Variants in TRAK1 observed in about 807,000 individuals in gnomAD.
The protein encoded by TRAK1 is trafficking kinesin-binding protein 1.
Under a neutral mutation model 92.1 loss-of-function variants are expected in TRAK1, and 33 were observed. That is an observed-to-expected ratio of 0.36 (90% CI 0.27 to 0.48). TRAK1 has a LOEUF of 0.48. Ranked by LOEUF, TRAK1 falls within the 20% of genes least tolerant of loss-of-function variation. The pLI is 0.99. For synonymous variants in TRAK1, 521 were observed against 517.3 expected (o/e 1.01, Z -0.10); for missense variants, 1,123 against 1,257.9 (o/e 0.89, Z 1.62).
chr3:42,089,680 C>A (rs1301042678), upstream of TRAK1, among the ~76,000 whole-genome samples: 1 of 150,140 alleles, frequency 6.7e-6, no homozygotes, highest in East Asian at 2.0e-4. Flanking sequence ...TTGTGACCCC[C>A]CCCCAATACA....
chr3:42,111,178 A>C (rs1423696324), intron 1 of TRAK1, among the ~76,000 whole-genome samples: 2 of 152,094 alleles, frequency 1.3e-5, no homozygotes, highest in African/African-American at 4.8e-5. Flanking sequence ...AACCCAGAAA[A>C]TCTGAGACGG....
intron 1 of TRAK1, among the ~76,000 whole-genome samples, chr3:42,056,330 G>A (rs972024319): frequency 5.3e-5 from 8 of 152,174 alleles, no homozygotes; most frequent in African/African-American, 1.4e-4. Context: ...GTTTGTCCAT[G>A]TCCTTGCCAA....
At chr3:42,109,562 T>G (rs1192241324) in intron 1 of TRAK1, among the ~76,000 whole-genome samples, 2 of 152,220 alleles carry the variant, frequency 1.3e-5, no homozygotes, top group Non-Finnish European at 2.9e-5. Flanking sequence ...GGAAAATGAC[T>G]GATCGCTTTG....
chr3:42,215,650 C>G (rs1286220697), intron 14 of TRAK1, among the ~76,000 whole-genome samples: 1 of 152,178 alleles, frequency 6.6e-6, no homozygotes, highest in Admixed American at 6.5e-5. Context: ...ACAAGTCGGC[C>G]ACTTCCCAAG....
chr3:42,038,802 A>AAATT (rs1559714995), intron 1 of TRAK1, among the ~76,000 whole-genome samples: 5 of 105,922 alleles, frequency 4.7e-5, no homozygotes, highest in African/African-American at 2.1e-4. Flanking sequence ...AAAAAAAAAA[A>AAATT]GTTTTTTTTT....
intron 1 of TRAK1, among the ~76,000 whole-genome samples, chr3:42,063,153 C>T (rs1199067819): frequency 1.3e-5 from 2 of 152,252 alleles, no homozygotes; most frequent in Non-Finnish European, 2.9e-5. Flanking sequence ...TATTGGAATA[C>T]AGCCACACCC....
chr3:42,104,942 TA>T (rs1222548157), intron 1 of TRAK1, among the ~76,000 whole-genome samples: 1 of 139,908 alleles, frequency 7.1e-6, no homozygotes, highest in Non-Finnish European at 1.5e-5. Flanking sequence ...GCAAAGAAGC[TA>T]AAAATCTTTT....
intron 1 of TRAK1, among the ~76,000 whole-genome samples, chr3:42,039,614 T>C (rs1249070699): frequency 1.3e-5 from 2 of 152,252 alleles, no homozygotes; most frequent in Non-Finnish European, 2.9e-5. Context: ...TCCTCCCACT[T>C]TGGCCTCCCA....
At chr3:42,016,778 T>A (rs1386728997) in intron 1 of TRAK1, among the ~76,000 whole-genome samples, 1 of 152,170 alleles carries the variant, frequency 6.6e-6, no homozygotes, top group Non-Finnish European at 1.5e-5. Flanking sequence ...TTTTTACCCT[T>A]TGGGGCTCAA....
chr3:42,092,683 G>GTT lies in TRAK1; in HGVS notation c.91+1124_91+1125dup, dbSNP rs1202678258. Among the ~76,000 whole-genome samples, 588 of 108,310 alleles carry GTT rather than the reference G, an allele frequency of 5.4e-3. 11 individuals carry two copies. The highest frequency in any genetic ancestry group is 0.019 in the South Asian group (46 of 2,474). The allele number at this position is 108,310 out of a possible 152,430, so 71.1% of individuals were successfully genotyped here. ...GCTTAGAATTTGTTCCTTTTATTTT[G>GTT]TTGTGTTGTGTTGTGTTGTGTTGTG... On this transcript the variant is annotated intron_variant, in intron 1 of 15. Coordinates refer to ENST00000327628, the MANE Select transcript of TRAK1 (RefSeq NM_001042646.3).
In TRAK1 at chr3:42,218,706, A is replaced by T. The variant is rs1473715018; in HGVS notation, c.1964-788A>T. On this transcript the variant is annotated intron_variant, in intron 14 of 15. Transcript: ENST00000327628. ...GCCACCTCAGCAATAACTTGTTAGA[A>T]CATTAAAAGGAAGTAAATTGAGAAC... is the stretch of plus-strand genomic sequence containing the variant. 3.0e-6 allele frequency: 3 copies of T among 985,294 alleles called. No individual in the cohort carries two copies. The East Asian group carries it at 3.4e-4, about 112-fold the overall frequency. The allele number at this position is 985,294 out of a possible 1,614,324, so 61.0% of individuals were successfully genotyped here.
At position 42,013,967 on chromosome 3, in the gene TRAK1, A is replaced by AGTGCCCCC. The variant is rs1461073546; in HGVS notation, c.-663_-656dup. ...GCGGCGCCAGAGCGGAGCCCCCGCG[A>AGTGCCCCC]GTGCCCCCGTGCCGCCCGGCCGGCT... is the stretch of plus-strand genomic sequence containing the variant. On this transcript the variant is annotated 5_prime_UTR_variant, in exon 1 of 17. Transcript: ENST00000487159. This position sits in a 1 kb window ranked among gnomAD's most constrained non-coding sequence, Gnocchi z 5.1. 1 of 150,480 alleles carries AGTGCCCCC rather than the reference A, an allele frequency of 6.6e-6. No individual in the cohort carries two copies. Among genetic ancestry groups the AGTGCCCCC allele is most frequent in the Non-Finnish European group, 1.5e-5 (1 of 67,454 alleles). 9.3% of individuals were successfully genotyped at this position (150,480 alleles called of 1,614,324 possible).
intron 1 of TRAK1, among the ~76,000 whole-genome samples, chr3:42,025,746 G>C (rs1701889423): frequency 6.6e-6 from 1 of 152,184 alleles, no homozygotes; most frequent in Admixed American, 6.5e-5. Flanking sequence ...GAATCTGCTG[G>C]AGAAGGAGCA....
chr3:42,049,502 A>G (rs1250720343), intron 1 of TRAK1, among the ~76,000 whole-genome samples: 1 of 151,948 alleles, frequency 6.6e-6, no homozygotes, highest in Admixed American at 6.6e-5. Flanking sequence ...GAACCTTTCC[A>G]TCTAGAAGTT....
chr3:42,209,507 T>C (rs553044424), intron 13 of TRAK1, among the ~76,000 whole-genome samples: 2 of 152,264 alleles, frequency 1.3e-5, no homozygotes, highest in East Asian at 3.9e-4. Flanking sequence ...TACTATGGTG[T>C]GGATTTTACT....
chr3:42,025,890 A>G (rs1325471181), intron 1 of TRAK1, among the ~76,000 whole-genome samples: 1 of 152,222 alleles, frequency 6.6e-6, no homozygotes, highest in Non-Finnish European at 1.5e-5. Context: ...GATACTGTAC[A>G]CAGAAAAAAG....
intron 1 of TRAK1, among the ~76,000 whole-genome samples, chr3:42,067,589 A>G (rs1487966909): frequency 6.6e-6 from 1 of 151,464 alleles, no homozygotes; most frequent in Non-Finnish European, 1.5e-5. Flanking sequence ...TAGTGCTTAG[A>G]TGAGATTTTT....
At chr3:42,166,874 A>T (rs1701930329) in intron 2 of TRAK1, among the ~76,000 whole-genome samples, 1 of 152,202 alleles carries the variant, frequency 6.6e-6, no homozygotes, top group African/African-American at 2.4e-5. Flanking sequence ...CACCACACAG[A>T]CATGGGTAAT....
chr3:42,027,880 G>A (rs981652338), intron 1 of TRAK1, among the ~76,000 whole-genome samples: 8 of 151,892 alleles, frequency 5.3e-5, no homozygotes, highest in African/African-American at 1.7e-4. Context: ...ATGGAGTTTC[G>A]CTCTCGTTGC....
Sources: allele counts gnomAD v4.1 joint callset (sites outside exome capture counted in the v4.1 genomes callset), GRCh38; gene constraint gnomAD v4.1.1; non-coding constraint Gnocchi (gnomAD v3.1); transcripts MANE v1.5; gene names NCBI Gene and HGNC (gene_info 2026-07-23, HGNC 2026-07-21).